Variants in C12orf56 observed in about 807,000 individuals in gnomAD.
The protein encoded by C12orf56 is chromosome 12 open reading frame 56.
C12orf56 carries 71 observed loss-of-function variants against 69.9 expected under a neutral mutation model. That is an observed-to-expected ratio of 1.02 (90% CI 0.84 to 1.24). The LOEUF (loss-of-function observed/expected upper bound fraction) is 1.24, where lower values mean the gene tolerates loss of function less well. Among genes scored for constraint, C12orf56 ranks in the 50% most tolerant of loss-of-function variants. The pLI, the probability that C12orf56 is intolerant of heterozygous loss-of-function variation, is 0.00. For missense variants in C12orf56, 732 were observed against 738.5 expected, an observed-to-expected ratio of 0.99 and a Z score of 0.10; for synonymous variants, 276 against 274.1, an observed-to-expected ratio of 1.01 and a Z score of -0.07.
chr12:64,307,472 C>T (rs1284304240), intron 5 of C12orf56, among the ~76,000 whole-genome samples: 1 of 148,036 alleles, frequency 6.8e-6, no homozygotes, highest in Non-Finnish European at 1.5e-5. Flanking sequence ...CAGGTTCAAG[C>T]AATTCTCCTA....
At chr12:64,328,698 AAAAAAAAAATATATATAT>A (rs1249804004) in intron 3 of C12orf56, among the ~76,000 whole-genome samples, 11 of 20,884 alleles carry the variant, frequency 5.3e-4, no homozygotes, top group African/African-American at 1.8e-3. Context: ...AAAAAAAAAA[AAAAAAAAAATATATATAT>A]ATATATATAT....
intron 8 of C12orf56, among the ~76,000 whole-genome samples, chr12:64,281,491 G>A (rs2136759631): frequency 6.6e-6 from 1 of 152,152 alleles, no homozygotes; most frequent in Admixed American, 6.6e-5. Flanking sequence ...GGAATTGCTT[G>A]AACCATGGAG....
chr12:64,346,694 G>T (rs988658364), intron 2 of C12orf56, among the ~76,000 whole-genome samples: 1 of 152,046 alleles, frequency 6.6e-6, no homozygotes, highest in African/African-American at 2.4e-5. Context: ...TCACATGATT[G>T]GTTCCTCTGG....
intron 1 of C12orf56, among the ~76,000 whole-genome samples, chr12:64,389,660 G>A (rs909001728): frequency 6.6e-6 from 1 of 152,042 alleles, no homozygotes. Context: ...CCACGCCTGG[G>A]TAATTTTTGT....
At chr12:64,389,853 G>A (rs1286640192) in intron 1 of C12orf56, among the ~76,000 whole-genome samples, 1 of 152,174 alleles carries the variant, frequency 6.6e-6, no homozygotes, top group African/African-American at 2.4e-5. Context: ...GGGCAAAAAA[G>A]TAAATGAGAT....
chr12:64,306,183 T>G (rs1481918046), intron 5 of C12orf56, among the ~76,000 whole-genome samples: 1 of 152,200 alleles, frequency 6.6e-6, no homozygotes, highest in Non-Finnish European at 1.5e-5. Flanking sequence ...GAGTACATAT[T>G]CTATATTACT....
At chr12:64,372,661 A>G (rs975353308) in intron 1 of C12orf56, among the ~76,000 whole-genome samples, 3 of 152,086 alleles carry the variant, frequency 2.0e-5, no homozygotes, top group Admixed American at 6.6e-5. Context: ...TTACAGGCAC[A>G]CACCAATATG....
chr12:64,318,671 A>G lies in C12orf56; in HGVS notation c.798T>C (p.Asn266=). The G allele has an allele frequency of 6.5e-7, 1 of 1,537,060 alleles. No individual in the cohort carries two copies. Among genetic ancestry groups the G allele is most frequent in the Non-Finnish European group, 8.7e-7 (1 of 1,146,774 alleles). ...GAAGTTCTGACTCCTTTTTCTCTAA[A>G]TTTGAGTTGCTCTGTGAAGGGGAAT... ...LLDSPSQSNS[N]LEKKESELHL... Residue 266 remains asparagine, a synonymous_variant, in exon 4 of 13, where the codon AAT becomes AAC. Transcript: ENST00000543942.
At chr12:64,306,983 T>C (rs2038521817) in intron 5 of C12orf56, among the ~76,000 whole-genome samples, 1 of 152,184 alleles carries the variant, frequency 6.6e-6, no homozygotes, top group South Asian at 2.1e-4. Context: ...TTTAAGTATA[T>C]TGCCTTCAGG....
At chr12:64,379,514 C>T (rs2039683580) in intron 1 of C12orf56, among the ~76,000 whole-genome samples, 1 of 151,836 alleles carries the variant, frequency 6.6e-6, no homozygotes, top group Admixed American at 6.6e-5. Context: ...TCTCAATCTC[C>T]TGACCTTGTG....
At chr12:64,341,266 A>T (rs1273585595) in intron 2 of C12orf56, among the ~76,000 whole-genome samples, 1 of 152,120 alleles carries the variant, frequency 6.6e-6, no homozygotes, top group African/African-American at 2.4e-5. Context: ...TTGCTAGTGG[A>T]TCTCTAGGGG....
Position 64,284,728 on chromosome 12 carries a change from G to C in C12orf56, c.1246C>G (p.Leu416Val). 2 of 1,609,334 alleles carry C rather than the reference G, an allele frequency of 1.2e-6. No individual in the cohort carries two copies. Among genetic ancestry groups the C allele is most frequent in the African/African-American group, 2.7e-5 (2 of 74,932 alleles). ...TCTGTTTCTCTGAACATCAATACTAGGGTCTGTATAATTTCAATGCATGCC... is the reference window on the plus strand; with the variant it reads ...TCTGTTTCTCTGAACATCAATACTACGGTCTGTATAATTTCAATGCATGCC... ...LVACIEIIQT[L>V]VLMFRETETE... Residue 416 changes from leucine (L) to valine (V), a missense_variant, in exon 8 of 13, where the codon CTA (leucine) becomes GTA (valine). Transcript: ENST00000543942.
chr12:64,276,004 C>T (rs117543434), intron 9 of C12orf56, among the ~76,000 whole-genome samples: 3 of 151,054 alleles, frequency 2.0e-5, no homozygotes, highest in South Asian at 4.2e-4. Flanking sequence ...AATACACACC[C>T]CCCCCCGCGA....
chr12:64,337,868 A>C (rs1030701265), intron 2 of C12orf56, among the ~76,000 whole-genome samples: 8 of 149,414 alleles, frequency 5.4e-5, no homozygotes, highest in African/African-American at 1.5e-4. Context: ...AAAAAAAAAA[A>C]AAAAAACACC....
Position 64,266,638 on chromosome 12 carries a change from T to A in C12orf56, c.*545A>T. ...GGATGGCTCTGAGTACAGAATCGGG[T>A]GAAGAGCATGCTCCTGTGCCTGGCA... is the stretch of plus-strand genomic sequence containing the variant. On this transcript the variant is annotated 3_prime_UTR_variant, in exon 13 of 13. Coordinates refer to ENST00000543942, the MANE Select transcript of C12orf56 (RefSeq NM_001170633.2). 1.2e-6 allele frequency: 1 copy of A among 857,024 alleles called. No individual in the cohort carries two copies. The highest frequency in any genetic ancestry group is 1.6e-6 in the Non-Finnish European group (1 of 628,596). The allele number at this position is 857,024 out of a possible 1,614,324, so 53.1% of individuals were successfully genotyped here. A position where few individuals can be genotyped will look rare whatever the true frequency, so the allele number is the denominator to read the frequency against.
intron 1 of C12orf56, among the ~76,000 whole-genome samples, chr12:64,364,745 G>A (rs569914225): frequency 6.6e-6 from 1 of 152,090 alleles, no homozygotes; most frequent in East Asian, 1.9e-4. Flanking sequence ...ATATAAAAGC[G>A]TTTCTGAATC....
At chr12:64,299,612 G>A (rs1339323773) in intron 6 of C12orf56, among the ~76,000 whole-genome samples, 3 of 152,020 alleles carry the variant, frequency 2.0e-5, no homozygotes, top group Non-Finnish European at 2.9e-5. Flanking sequence ...GCCTGAGGGA[G>A]AATACAAAGA....
At position 64,277,661 on chromosome 12, in the gene C12orf56, C is replaced by A; in HGVS notation, c.1434+19G>T. On this transcript the variant is annotated intron_variant, in intron 9 of 12. Transcript: ENST00000543942. ...ATATATATATATATAATAGTTTACC[C>A]CCCAAATTCTCATCTCACCTCAGCG... 5.5e-6 allele frequency: 8 copies of A among 1,442,254 alleles called. No homozygotes were observed. The highest frequency in any genetic ancestry group is 1.6e-5 in the South Asian group (1 of 63,592). The allele number at this position is 1,442,254 out of a possible 1,614,324, so 89.3% of individuals were successfully genotyped here. A position where few individuals can be genotyped will look rare whatever the true frequency, so the allele number is the denominator to read the frequency against.
chr12:64,338,091 G>C, intron 2 of C12orf56: 1 of 452,528 alleles, frequency 2.2e-6, no homozygotes, highest in Admixed American at 2.5e-5. Context: ...GGAAGCTACA[G>C]AGACATTTGT....
Sources: allele counts gnomAD v4.1 joint callset (sites outside exome capture counted in the v4.1 genomes callset), GRCh38; gene constraint gnomAD v4.1.1; transcripts MANE v1.5; gene names NCBI Gene and HGNC (gene_info 2026-07-23, HGNC 2026-07-21).